The following CNTNAP2 variants were observed in gnomAD, a reference collection of about 807,000 sequenced individuals.
CNTNAP2 encodes contactin-associated protein-like 2.
CNTNAP2 carries 98 observed loss-of-function variants against 155.2 expected under a neutral mutation model. The observed-to-expected ratio is 0.63, with a 90% CI of 0.54 to 0.75. CNTNAP2 has a LOEUF of 0.75. CNTNAP2 is among the 30% of genes least tolerant of loss of function. CNTNAP2 has a pLI of 0.00. For synonymous variants in CNTNAP2, 651 were observed against 631.2 expected (o/e 1.03, Z -0.47); for missense variants, 1,727 against 1,688.1 (o/e 1.02, Z -0.40).
At chr7:147,837,145 G>A (rs138788811) in intron 13 of CNTNAP2, among the ~76,000 whole-genome samples, 6,748 of 152,192 alleles carry the variant, frequency 0.044, 270 homozygotes, top group Admixed American at 0.12. Context: ...AGACATATCC[G>A]AGACTGGGCA....
At chr7:147,379,696 T>G (rs826812) in intron 9 of CNTNAP2, among the ~76,000 whole-genome samples, 21,455 of 152,044 alleles carry the variant, frequency 0.14, 1,704 homozygotes, top group East Asian at 0.32. Flanking sequence ...GCTGACTAGT[T>G]AATTTTTCTC....
chr7:147,131,691 A>G (rs935083728), intron 7 of CNTNAP2, among the ~76,000 whole-genome samples: 3 of 152,118 alleles, frequency 2.0e-5, no homozygotes, highest in Non-Finnish European at 4.4e-5. Flanking sequence ...TGAAAACTTA[A>G]TATCTATCTA....
chr7:146,652,151 A>T (rs1441595108), intron 1 of CNTNAP2, among the ~76,000 whole-genome samples: 1 of 152,184 alleles, frequency 6.6e-6, no homozygotes, highest in Non-Finnish European at 1.5e-5. Context: ...TTATTAAAAA[A>T]TTAACCCCAT....
At chr7:147,515,589 G>A (rs1202788664) in intron 11 of CNTNAP2, among the ~76,000 whole-genome samples, 4 of 151,910 alleles carry the variant, frequency 2.6e-5, no homozygotes, top group Admixed American at 2.6e-4. Flanking sequence ...CCAAAGTGCT[G>A]GGATTACAGG....
chr7:147,464,908 A>T (rs997684785), intron 10 of CNTNAP2, among the ~76,000 whole-genome samples: 1 of 152,240 alleles, frequency 6.6e-6, no homozygotes, highest in Non-Finnish European at 1.5e-5. Flanking sequence ...AGGCTCAATT[A>T]TAATGATTCT....
At chr7:146,976,328 T>C (rs35925803) in intron 3 of CNTNAP2, among the ~76,000 whole-genome samples, 34,924 of 151,866 alleles carry the variant, frequency 0.23, 5,066 homozygotes, top group Non-Finnish European at 0.32. Context: ...CCTGTCTATC[T>C]GGAGAGAGCC....
intron 13 of CNTNAP2, among the ~76,000 whole-genome samples, chr7:147,782,652 G>A (rs990570472): frequency 2.0e-5 from 3 of 152,062 alleles, no homozygotes; most frequent in Non-Finnish European, 2.9e-5. Context: ...CCTCTGAAAG[G>A]TCCCAACACT....
chr7:148,373,621 T>C (rs1798930115), intron 21 of CNTNAP2, among the ~76,000 whole-genome samples: 1 of 152,224 alleles, frequency 6.6e-6, no homozygotes, highest in Admixed American at 6.5e-5. Context: ...GGTGCCTGAC[T>C]GTACTACTCA....
chr7:147,940,765 T>C (rs1219333032), intron 14 of CNTNAP2, among the ~76,000 whole-genome samples: 1 of 152,152 alleles, frequency 6.6e-6, no homozygotes, highest in African/African-American at 2.4e-5. Context: ...CTAGAATTCC[T>C]GGGCTCAAGC....
At chr7:146,333,781 C>G (rs1243363163) in intron 1 of CNTNAP2, among the ~76,000 whole-genome samples, 3 of 152,150 alleles carry the variant, frequency 2.0e-5, no homozygotes, top group Non-Finnish European at 4.4e-5. Flanking sequence ...AATTCAAAGA[C>G]TCTAGCTCAT....
At chr7:146,187,637 C>T (rs1409342404) in intron 1 of CNTNAP2, among the ~76,000 whole-genome samples, 1 of 151,938 alleles carries the variant, frequency 6.6e-6, no homozygotes, top group Non-Finnish European at 1.5e-5. Context: ...TACCTTCTCC[C>T]ATTCATATAC....
chr7:146,461,287 C>A (rs937649436), intron 1 of CNTNAP2, among the ~76,000 whole-genome samples: 1 of 151,742 alleles, frequency 6.6e-6, no homozygotes, highest in Non-Finnish European at 1.5e-5. Context: ...CACCTGTAGT[C>A]CCAGTTACTC....
chr7:148,047,790 A>C lies in CNTNAP2; in HGVS notation c.2383+69801A>C, dbSNP rs556456310. 3.3e-5 allele frequency among the ~76,000 whole-genome samples: 5 copies of C among 152,376 alleles called. No individual in the cohort carries two copies. The South Asian group carries it at 1.0e-3, about 32-fold the overall frequency. On this transcript the variant is annotated intron_variant, in intron 15 of 23. Transcript: ENST00000361727. ...AATTTCAACAAGTAGATGAGTTTGCAAACATGGAATCCGCAAATAATTACT... is the reference window on the plus strand; with the variant it reads ...AATTTCAACAAGTAGATGAGTTTGCCAACATGGAATCCGCAAATAATTACT...
At chr7:147,710,958 T>C (rs1563061102) in intron 13 of CNTNAP2, among the ~76,000 whole-genome samples, 2 of 152,218 alleles carry the variant, frequency 1.3e-5, no homozygotes, top group African/African-American at 4.8e-5. Flanking sequence ...GGGCATTTGA[T>C]ATTAGCCTCA....
intron 1 of CNTNAP2, among the ~76,000 whole-genome samples, chr7:146,390,599 T>A (rs1009753174): frequency 6.7e-6 from 1 of 149,994 alleles, no homozygotes; most frequent in African/African-American, 2.4e-5. Flanking sequence ...TATATTTTCA[T>A]GAAATAAAAA....
intron 11 of CNTNAP2, among the ~76,000 whole-genome samples, chr7:147,527,658 T>C (rs1373877307): frequency 6.6e-6 from 1 of 152,228 alleles, no homozygotes; most frequent in African/African-American, 2.4e-5. Flanking sequence ...GGCTTGAATC[T>C]TCTTACTCTT....
At chr7:147,456,378 G>T (rs1439225066) in intron 10 of CNTNAP2, among the ~76,000 whole-genome samples, 7 of 152,230 alleles carry the variant, frequency 4.6e-5, no homozygotes, top group African/African-American at 1.7e-4. Context: ...TAGAAAGAGA[G>T]AATTTAAGAA....
intron 3 of CNTNAP2, among the ~76,000 whole-genome samples, chr7:147,009,638 C>T (rs1428047744): frequency 6.6e-6 from 1 of 151,994 alleles, no homozygotes; most frequent in Admixed American, 6.6e-5. Flanking sequence ...AAAAATAAGG[C>T]TTTTGTTTTA....
chr7:148,311,999 C>T (rs972160758), intron 21 of CNTNAP2, among the ~76,000 whole-genome samples: 45 of 151,910 alleles, frequency 3.0e-4, no homozygotes, highest in Admixed American at 2.6e-3. Context: ...CTGAAGGAGC[C>T]GGGGAGCAGA....
Sources: gnomAD v4.1 joint callset for allele counts (sites outside exome capture counted in the v4.1 genomes callset) on GRCh38, gnomAD v4.1.1 for gene constraint, MANE v1.5 for transcripts, NCBI Gene and HGNC (gene_info 2026-07-23, HGNC 2026-07-21) for gene names.